PLXND1: variants seen among roughly 807,000 people sequenced by gnomAD.
The protein encoded by PLXND1 is plexin D1.
In PLXND1, 54 loss-of-function variants were observed where a neutral mutation model predicts 197.7. The observed-to-expected ratio is 0.27, with a 90% CI of 0.22 to 0.34. The LOEUF is 0.34. PLXND1 is among the 10% of genes least tolerant of loss of function. PLXND1 has a pLI of 1.00. For synonymous variants in PLXND1, 1,180 were observed against 1,161.2 expected (o/e 1.02, Z -0.33); for missense variants, 2,127 against 2,699.2 (o/e 0.79, Z 4.70).
In PLXND1 at chr3:129,592,040, T is replaced by C. The variant is rs2085549491; in HGVS notation, c.1312-2513A>G. ...TGGCCTCATTTCTGTGCCTCAAATATCACAAGCTCGTTCCTGCCTCAGGAC... is the reference window on the plus strand; with the variant it reads ...TGGCCTCATTTCTGTGCCTCAAATACCACAAGCTCGTTCCTGCCTCAGGAC... On this transcript the variant is annotated intron_variant, in intron 1 of 35. Coordinates refer to ENST00000324093, the MANE Select transcript of PLXND1 (RefSeq NM_015103.3). Among the ~76,000 whole-genome samples the C allele has an allele frequency of 2.0e-5, 3 of 152,298 alleles. No individual in the cohort carries two copies. In the South Asian group the frequency reaches 6.2e-4, roughly 32 times the overall value.
chr3:129,558,760 A>G lies in PLXND1; in HGVS notation c.5298-185T>C, dbSNP rs1553785019. On this transcript the variant is annotated intron_variant, in intron 32 of 35. Transcript: ENST00000324093. This position sits in a 1 kb window ranked among gnomAD's most constrained non-coding sequence, Gnocchi z 4.1. ...CCAGCTGGGGTGCAGTGGGGCTGAG[A>G]GCCCGGTTTCCTGCTGGAGCAAGGC... 5.0e-6 allele frequency: 3 copies of G among 594,128 alleles called. No homozygotes were observed. Among genetic ancestry groups the G allele is most frequent in the Non-Finnish European group, 8.9e-6 (3 of 338,206 alleles). The allele number at this position is 594,128 out of a possible 1,614,324, so 36.8% of individuals were successfully genotyped here.
chr3:129,584,900 C>G (rs894775545), intron 5 of PLXND1, among the ~76,000 whole-genome samples: 2 of 152,190 alleles, frequency 1.3e-5, no homozygotes, highest in Non-Finnish European at 2.9e-5. Flanking sequence ...TCCACCCAGA[C>G]GCTCTTTCCA....
Position 129,605,367 on chromosome 3 carries a change from C to G in PLXND1, c.1273G>C (p.Gly425Arg). ...TTGCGCTCACAGGCCGGTCCCGTGCCCTGCACCACGCTGTCGAGCACCGCC... is the reference window on the plus strand; with the variant it reads ...TTGCGCTCACAGGCCGGTCCCGTGCGCTGCACCACGCTGTCGAGCACCGCC... ...VVAVLDSVVQGTGPACERKLN... is the reference protein window; with the variant it reads ...VVAVLDSVVQRTGPACERKLN... The change falls in exon 1 of 36, where the codon GGC (glycine) becomes CGC (arginine). Residue 425 changes from glycine to arginine, a missense_variant. Around this residue, in one of 6 missense-constraint regions of PLXND1, gnomAD observed 1,095 missense variants for 1,259.8 expected, o/e 0.87. Transcript: ENST00000324093. 6.7e-7 allele frequency: 1 copy of G among 1,494,538 alleles called. No individual in the cohort carries two copies. The allele number at this position is 1,494,538 out of a possible 1,614,324, so 92.6% of individuals were successfully genotyped here.
At position 129,572,636 on chromosome 3, in the gene PLXND1, T is replaced by C; in HGVS notation, c.3050A>G (p.Asn1017Ser). The change falls in exon 15 of 36, where the codon AAC becomes AGC. Residue 1017 changes from asparagine to serine, a missense_variant. Asn to Ser is a conservative substitution (Grantham distance 46). This residue lies in a region of PLXND1 where 1,095 missense variants were observed against 1,259.8 expected (regional missense o/e 0.87). Transcript: ENST00000324093. ...HVGSELQVLV[N>S]DTDPCTELMR... ...CAGCTCCGTGCAGGGGTCTGTGTCG[T>C]TCACCAGGACCTGGAGCTCGGAGCC... The C allele has an allele frequency of 6.3e-7, 1 of 1,591,842 alleles. No homozygotes were observed. The highest frequency in any genetic ancestry group is 1.3e-5 in the African/African-American group (1 of 74,522).
rs773817291 is a variant in PLXND1, at chr3:129,571,661, G to T, written c.3245+16C>A. On this transcript the variant is annotated intron_variant, in intron 16 of 35. Coordinates refer to ENST00000324093, the MANE Select transcript of PLXND1 (RefSeq NM_015103.3). ...GCCCCAGAGAGCCTGGGGGAAGGGC[G>T]GGGTGCCAGTCTCACCTGACAGGGC... 70 of 1,613,710 alleles carry T rather than the reference G, an allele frequency of 4.3e-5. No individual in the cohort carries two copies. Among genetic ancestry groups the T allele is most frequent in the Non-Finnish European group, 5.3e-5 (62 of 1,179,864 alleles).
intron 12 of PLXND1, 54 bp downstream of exon 12, chr3:129,574,282 C>T (rs1035309103): frequency 7.3e-5 from 110 of 1,505,638 alleles, no homozygotes; most frequent in African/African-American, 4.6e-4. Context: ...GAGGGCACTG[C>T]GCATGCGCCG....
chr3:129,585,371 C>A (rs1361119696), intron 5 of PLXND1, among the ~76,000 whole-genome samples: 2 of 152,212 alleles, frequency 1.3e-5, no homozygotes, highest in Non-Finnish European at 2.9e-5. Context: ...GGCTCCCACC[C>A]CTTGCCGGGG....
chr3:129,602,019 C>T (rs1192035512), intron 1 of PLXND1, among the ~76,000 whole-genome samples: 3 of 152,222 alleles, frequency 2.0e-5, no homozygotes, highest in Non-Finnish European at 4.4e-5. Flanking sequence ...TCTCCCTCCT[C>T]CATTGCTCCT....
Position 129,575,771 on chromosome 3 carries a change from C to T in PLXND1, c.2431G>A (p.Val811Met), listed in dbSNP as rs951729630. The change falls in exon 10 of 36, where the codon GTG (valine) becomes ATG (methionine). Residue 811 changes from valine (V) to methionine (M), a missense_variant. Around this residue, in one of 6 missense-constraint regions of PLXND1, gnomAD observed 1,095 missense variants for 1,259.8 expected, o/e 0.87. Coordinates refer to ENST00000324093, the MANE Select transcript of PLXND1 (RefSeq NM_015103.3). ...VNESVVRCDQ[V>M]VLHTTRKSQV... ...GCTGGAGTCACCCCACTCACCACCA[C>T]CTGGTCACAGCGTACAACAGACTCA... is the stretch of plus-strand genomic sequence containing the variant. 3 of 1,611,456 alleles carry T rather than the reference C, an allele frequency of 1.9e-6. No homozygotes were observed. The highest frequency in any genetic ancestry group is 1.3e-5 in the African/African-American group (1 of 74,970).
At chr3:129,572,962 C>T in intron 13 of PLXND1, 21 bp from the exon 14 acceptor site, 1 of 1,585,348 alleles carries the variant, frequency 6.3e-7, no homozygotes, top group Non-Finnish European at 8.7e-7. Flanking sequence ...GTGCTGTGGT[C>T]AGCCAGCGGT....
At chr3:129,591,132 C>T (rs2085534906) in intron 1 of PLXND1, among the ~76,000 whole-genome samples, 1 of 152,184 alleles carries the variant, frequency 6.6e-6, no homozygotes, top group South Asian at 2.1e-4. Context: ...TCCAGCATGT[C>T]CCTGGGGGCC....
At chr3:129,565,141 GC>G in intron 25 of PLXND1, among the ~76,000 whole-genome samples, 198 bp downstream of exon 25, 1 of 152,228 alleles carries the variant, frequency 6.6e-6, no homozygotes, top group Non-Finnish European at 1.5e-5. Context: ...CTTGCAGCAA[GC>G]CAGCCAGGCT....
chr3:129,595,408 T>G (rs2085605646), intron 1 of PLXND1, among the ~76,000 whole-genome samples: 1 of 152,162 alleles, frequency 6.6e-6, no homozygotes, highest in Non-Finnish European at 1.5e-5. Flanking sequence ...CACCTGCTGC[T>G]GAGAAAGTAA....
At chr3:129,601,421 C>A (rs1023860185) in intron 1 of PLXND1, among the ~76,000 whole-genome samples, 1 of 152,136 alleles carries the variant, frequency 6.6e-6, no homozygotes, top group Non-Finnish European at 1.5e-5. Context: ...GAGTTGTGGG[C>A]GGCTCAAGGG....
chr3:129,585,650 G>A (rs1184467885), intron 5 of PLXND1, among the ~76,000 whole-genome samples: 4 of 152,176 alleles, frequency 2.6e-5, no homozygotes, highest in Non-Finnish European at 5.9e-5. Flanking sequence ...CTAGCTGTGC[G>A]ACCTGCAGCA....
At chr3:129,585,295 A>G (rs1214436061) in intron 5 of PLXND1, among the ~76,000 whole-genome samples, 1 of 152,212 alleles carries the variant, frequency 6.6e-6, no homozygotes, top group African/African-American at 2.4e-5. Context: ...GTGAGAGAAG[A>G]GGACCCTCAT....
At chr3:129,566,299 G>T in intron 23 of PLXND1, 2 of 600,692 alleles carry the variant, frequency 3.3e-6, no homozygotes, top group Non-Finnish European at 6.0e-6. Flanking sequence ...TGTACAGGGG[G>T]GCCCAATCCT....
chr3:129,588,494 C>T lies in PLXND1; in HGVS notation c.1488+857G>A, dbSNP rs541740933. ...AATGTGAGTATCTGACCCCAAACCA[C>T]GAGCCCCATTGACGAGCCCCACATT... On this transcript the variant is annotated intron_variant, in intron 2 of 35. Transcript: ENST00000324093. Among the ~76,000 whole-genome samples, 8 of 152,342 alleles carry T rather than the reference C, an allele frequency of 5.3e-5. No individual in the cohort carries two copies. In the Middle Eastern group the frequency reaches 0.01, roughly 194 times the overall value.
At chr3:129,562,222 C>T (rs1034240314) in intron 27 of PLXND1, among the ~76,000 whole-genome samples, 1 of 152,124 alleles carries the variant, frequency 6.6e-6, no homozygotes. Flanking sequence ...TCCTATAAAA[C>T]CCACTCCAGG....
Sources: gnomAD v4.1 joint callset for allele counts (sites outside exome capture counted in the v4.1 genomes callset) on GRCh38, gnomAD v4.1.1 for gene constraint, gnomAD v4.1.1 regional missense constraint, Gnocchi (gnomAD v3.1) non-coding constraint, MANE v1.5 for transcripts, NCBI Gene and HGNC (gene_info 2026-07-23, HGNC 2026-07-21) for gene names.